Variants in RPRD1B observed in about 807,000 individuals in gnomAD.
The protein encoded by RPRD1B is regulation of nuclear pre-mRNA domain-containing protein 1B.
A neutral mutation model predicts 41.5 loss-of-function variants in RPRD1B; 11 were observed. That is an observed-to-expected ratio of 0.27 (90% CI 0.17 to 0.44). The LOEUF (loss-of-function observed/expected upper bound fraction) is 0.44. Among genes scored for constraint, RPRD1B ranks in the 20% least tolerant of loss-of-function variants. The pLI, the probability that RPRD1B is intolerant of heterozygous loss-of-function variation, is 1.00. For synonymous variants in RPRD1B, 158 were observed against 155.6 expected (o/e 1.02, Z -0.12); for missense variants, 248 against 389.9 (o/e 0.64, Z 3.06).
At chr20:38,079,635 C>G (rs529391371) in intron 6 of RPRD1B, among the ~76,000 whole-genome samples, 1 of 152,240 alleles carries the variant, frequency 6.6e-6, no homozygotes, top group South Asian at 2.1e-4. Flanking sequence ...GGATGGGCAT[C>G]TAGGTTGATT....
chr20:38,043,068 G>A lies in RPRD1B; in HGVS notation c.281+2504G>A, dbSNP rs990792. Among the ~76,000 whole-genome samples, 4 of 152,084 alleles carry A rather than the reference G, an allele frequency of 2.6e-5. No homozygotes were observed. The South Asian group carries it at 8.3e-4, about 32-fold the overall frequency. On this transcript the variant is annotated intron_variant, in intron 2 of 6. Coordinates refer to ENST00000373433, the MANE Select transcript of RPRD1B (RefSeq NM_021215.4). The stretch of plus-strand genomic sequence containing the variant: ...ATGTGCCAAGTATGGATCCAGACAC[G>A]GGGGGAGCAGCAGTGAACAAGGCAG...
At position 38,055,064 on chromosome 20, in the gene RPRD1B, A is replaced by G. The variant is rs575697784; in HGVS notation, c.416-2468A>G. Among the ~76,000 whole-genome samples the G allele has an allele frequency of 3.3e-5, 5 of 152,378 alleles. No homozygotes were observed. The East Asian group carries it at 9.6e-4, about 29-fold the overall frequency. On this transcript the variant is annotated intron_variant, in intron 3 of 6. Transcript: ENST00000373433. ...AACCATGATTGTGCAAGCTGAACCC[A>G]TGCAAAGCAATCTTTATAATCAGTG... is the stretch of plus-strand genomic sequence containing the variant.
intron 5 of RPRD1B, among the ~76,000 whole-genome samples, chr20:38,065,414 G>T (rs1215189189): frequency 6.6e-6 from 1 of 152,100 alleles, no homozygotes; most frequent in Non-Finnish European, 1.5e-5. Context: ...TATCCATGGG[G>T]GTTTGGTTCC....
At chr20:38,057,444 T>C (rs1225126477) in intron 3 of RPRD1B, 88 bp from the exon 4 acceptor site, 2 of 849,222 alleles carry the variant, frequency 2.4e-6, no homozygotes, top group African/African-American at 3.3e-5. Flanking sequence ...CCTTCTGCCC[T>C]GTTTTTACAT....
At chr20:38,049,048 C>T (rs6091719) in intron 3 of RPRD1B, among the ~76,000 whole-genome samples, 13,975 of 152,012 alleles carry the variant, frequency 0.092, 859 homozygotes, top group East Asian at 0.32. Flanking sequence ...CTCCTGGGTT[C>T]GAGCCATTCT....
At chr20:38,082,447 C>T (rs1264971044) in intron 6 of RPRD1B, among the ~76,000 whole-genome samples, 3 of 152,074 alleles carry the variant, frequency 2.0e-5, no homozygotes, top group Non-Finnish European at 4.4e-5. Context: ...AGTAGAGTGG[C>T]GCCATCTCGG....
chr20:38,070,630 A>G (rs762335774), intron 6 of RPRD1B: 27 of 985,334 alleles, frequency 2.7e-5, no homozygotes, highest in Non-Finnish European at 3.1e-5. Flanking sequence ...TTCTGTTAGC[A>G]TGATCAGTGC....
chr20:38,064,721 C>G (rs1363593188), intron 5 of RPRD1B, among the ~76,000 whole-genome samples: 1 of 152,140 alleles, frequency 6.6e-6, no homozygotes, highest in Non-Finnish European at 1.5e-5. Flanking sequence ...AGTTACAACC[C>G]ATTAATTGGA....
chr20:38,072,031 TTATC>T (rs2074417740), intron 6 of RPRD1B, among the ~76,000 whole-genome samples: 2 of 152,206 alleles, frequency 1.3e-5, no homozygotes. Flanking sequence ...GAGTTCCAAT[TTATC>T]TATTTTTGTG....
chr20:38,034,790 C>T (rs925202105), intron 1 of RPRD1B, among the ~76,000 whole-genome samples: 1 of 152,172 alleles, frequency 6.6e-6, no homozygotes, highest in African/African-American at 2.4e-5. Context: ...TTCTGACAGA[C>T]AATTCATTGA....
chr20:38,082,434 T>G (rs2074521940), intron 6 of RPRD1B, among the ~76,000 whole-genome samples: 1 of 152,228 alleles, frequency 6.6e-6, no homozygotes, highest in Admixed American at 6.5e-5. Context: ...TCCCCCAGGC[T>G]GGAGTAGAGT....
intron 6 of RPRD1B, among the ~76,000 whole-genome samples, chr20:38,086,483 T>C (rs560040910): frequency 2.6e-5 from 4 of 152,318 alleles, no homozygotes; most frequent in African/African-American, 9.6e-5. Flanking sequence ...ATCTTTTCTT[T>C]TTACCAGCCT....
rs1466035139 is a variant in RPRD1B, at chr20:38,089,968, C to T, written c.*93C>T. ...TAACCTTCTAGCCCCTGGTTCTATC[C>T]CTTCTTCCGCCCAGCCCCCCAGCCT... On this transcript the variant is annotated 3_prime_UTR_variant, in exon 7 of 7. Transcript: ENST00000373433. 5.9e-6 allele frequency: 9 copies of T among 1,520,732 alleles called. No individual in the cohort carries two copies. The highest frequency in any genetic ancestry group is 4.0e-5 in the South Asian group (3 of 75,678). The allele number at this position is 1,520,732 out of a possible 1,614,324, so 94.2% of individuals were successfully genotyped here.
intron 5 of RPRD1B, among the ~76,000 whole-genome samples, chr20:38,061,457 G>A (rs1321897176): frequency 6.6e-6 from 1 of 152,154 alleles, no homozygotes; most frequent in African/African-American, 2.4e-5. Flanking sequence ...GCCTCTCTGT[G>A]TATTAGATCT....
chr20:38,040,356 G>A (rs2074053870), intron 1 of RPRD1B, 79 bp from the exon 2 acceptor site: 2 of 1,205,170 alleles, frequency 1.7e-6, no homozygotes, highest in Non-Finnish European at 2.2e-6. Context: ...TGTTTTTTTA[G>A]GAGCAGCCCA....
At chr20:38,068,838 A>G (rs972345557) in intron 6 of RPRD1B, among the ~76,000 whole-genome samples, 1 of 152,208 alleles carries the variant, frequency 6.6e-6, no homozygotes, top group Non-Finnish European at 1.5e-5. Context: ...AGATGCGTGA[A>G]TACTGTGAAT....
At chr20:38,047,986 T>C (rs1008168533) in intron 2 of RPRD1B, among the ~76,000 whole-genome samples, 7 of 152,242 alleles carry the variant, frequency 4.6e-5, no homozygotes, top group Admixed American at 4.6e-4. Context: ...TTTCTATCTT[T>C]AAGAGTTCTG....
At chr20:38,044,896 C>A (rs569413682) in intron 2 of RPRD1B, among the ~76,000 whole-genome samples, 76 of 152,116 alleles carry the variant, frequency 5.0e-4, no homozygotes, top group South Asian at 1.2e-3. Flanking sequence ...CCTTAGTAGG[C>A]CTACCATAGG....
At chr20:38,083,527 G>A (rs2074533676) in intron 6 of RPRD1B, among the ~76,000 whole-genome samples, 1 of 152,178 alleles carries the variant, frequency 6.6e-6, no homozygotes, top group Admixed American at 6.5e-5. Flanking sequence ...TGTTGTGCCA[G>A]TAGAAGCTCC....
Sources: gnomAD v4.1 joint callset for allele counts (sites outside exome capture counted in the v4.1 genomes callset) on GRCh38, gnomAD v4.1.1 for gene constraint, MANE v1.5 for transcripts, NCBI Gene and HGNC (gene_info 2026-07-23, HGNC 2026-07-21) for gene names.